ZNF527: variants seen among roughly 807,000 people sequenced by gnomAD.
ZNF527 encodes the protein zinc finger protein 527.
A neutral mutation model predicts 13.5 loss-of-function variants in ZNF527; 5 were observed. That is an observed-to-expected ratio of 0.37 (90% CI 0.19 to 0.78). ZNF527 has a LOEUF of 0.78. Ranked by LOEUF, ZNF527 falls within the 30% of genes least tolerant of loss-of-function variation. The pLI, the probability that ZNF527 is intolerant of heterozygous loss-of-function variation, is 0.48. For missense variants in ZNF527, 628 were observed against 726.4 expected, an observed-to-expected ratio of 0.86 and a Z score of 1.56; for synonymous variants, 209 against 243.1, an observed-to-expected ratio of 0.86 and a Z score of 1.30.
intron 2 of ZNF527, among the ~76,000 whole-genome samples, chr19:37,377,723 C>G (rs1360149060): frequency 6.6e-6 from 1 of 152,134 alleles, no homozygotes; most frequent in Non-Finnish European, 1.5e-5. Context: ...GGGCCCCTGA[C>G]AGGTGCTCTG....
chr19:37,375,306 C>CTTTGT lies in ZNF527; in HGVS notation c.33+1078_33+1079insGTTTT, dbSNP rs1236983829. On this transcript the variant is annotated intron_variant, in intron 2 of 4. Coordinates refer to ENST00000436120, the MANE Select transcript of ZNF527 (RefSeq NM_032453.2). The stretch of plus-strand genomic sequence containing the variant: ...TCTTTCTTTCTTTCTTTCTTTCTTT[C>CTTTGT]TTTCTTTTCTTTCTTTCTTTCTTTC... Among the ~76,000 whole-genome samples, 282 of 100,736 alleles carry CTTTGT rather than the reference C, an allele frequency of 2.8e-3. 1 individual carries two copies. The highest frequency in any genetic ancestry group is 0.012 in the African/African-American group (273 of 22,860). 66.1% of individuals were successfully genotyped at this position (100,736 alleles called of 152,430 possible). A position where few individuals can be genotyped will look rare whatever the true frequency, so the allele number is the denominator to read the frequency against.
intron 2 of ZNF527, among the ~76,000 whole-genome samples, chr19:37,375,549 A>G (rs2040601206): frequency 6.6e-6 from 1 of 151,228 alleles, no homozygotes; most frequent in African/African-American, 2.4e-5. Flanking sequence ...TTTAGTAGAG[A>G]TGGATTTCAC....
intron 2 of ZNF527, among the ~76,000 whole-genome samples, chr19:37,378,152 C>T (rs753604791): frequency 2.0e-5 from 3 of 151,956 alleles, no homozygotes; most frequent in Non-Finnish European, 2.9e-5. Context: ...CTCAGCCTCC[C>T]GAGTAGTTGG....
rs1004595951 is a variant in ZNF527, at chr19:37,392,403, T to A, written c.*2524T>A. The A allele has an allele frequency of 6.6e-6, 1 of 152,144 alleles. No individual in the cohort carries two copies. Among genetic ancestry groups the A allele is most frequent in the Non-Finnish European group, 1.5e-5 (1 of 68,022 alleles). The allele number at this position is 152,144 out of a possible 1,614,324, so 9.4% of individuals were successfully genotyped here. A position where few individuals can be genotyped will look rare whatever the true frequency, so the allele number is the denominator to read the frequency against. On this transcript the variant is annotated 3_prime_UTR_variant, in exon 5 of 5. Transcript: ENST00000436120. ...TGATTTTTATTTTATTTATTTATTT[T>A]TTTTGAGACAGGGTCTCACTCTGTT...
At chr19:37,375,288 TTCTTTC>T (rs1555826930) in intron 2 of ZNF527, among the ~76,000 whole-genome samples, 2 of 131,002 alleles carry the variant, frequency 1.5e-5, no homozygotes, top group South Asian at 5.0e-4. Flanking sequence ...CTTTCTTTCT[TTCTTTC>T]TTTCTTTCTT....
At chr19:37,381,980 A>G (rs1454212486) in intron 4 of ZNF527, among the ~76,000 whole-genome samples, 3 of 152,194 alleles carry the variant, frequency 2.0e-5, no homozygotes, top group Non-Finnish European at 4.4e-5. Flanking sequence ...AGTAAATCCA[A>G]TGAATCATTA....
intron 4 of ZNF527, chr19:37,385,191 C>G: frequency 2.1e-6 from 1 of 465,972 alleles, no homozygotes; most frequent in East Asian, 3.2e-5. Context: ...ATTCATTTTT[C>G]TATGATATAT....
At chr19:37,374,008 G>A in intron 1 of ZNF527, 150 bp from the exon 2 acceptor site, 1 of 511,478 alleles carries the variant, frequency 2.0e-6, no homozygotes, top group South Asian at 1.8e-5. Flanking sequence ...GTTCAGCATT[G>A]GATTCCACCC....
rs1385624273 is a variant in ZNF527, at chr19:37,375,309, T to TC, written c.33+1079dup. 3.1e-4 allele frequency among the ~76,000 whole-genome samples: 35 copies of TC among 111,374 alleles called. 1 individual carries two copies. Among genetic ancestry groups the TC allele is most frequent in the Middle Eastern group, 4.1e-3 (1 of 246 alleles). 73.1% of individuals were successfully genotyped at this position (111,374 alleles called of 152,430 possible). A position where few individuals can be genotyped will look rare whatever the true frequency, so the allele number is the denominator to read the frequency against. ...TTCTTTCTTTCTTTCTTTCTTTCTT[T>TC]CTTTTCTTTCTTTCTTTCTTTCTTT... On this transcript the variant is annotated intron_variant, in intron 2 of 4. Coordinates refer to ENST00000436120, the MANE Select transcript of ZNF527 (RefSeq NM_032453.2).
Position 37,389,653 on chromosome 19 carries a change from T to A in ZNF527, c.1604T>A (p.Phe535Tyr). ...PYECNKCGKA[F>Y]SCGSYLNQHQ... The stretch of plus-strand genomic sequence containing the variant: ...GAATGTAACAAATGTGGAAAGGCCT[T>A]CAGTTGTGGCTCATATCTTAATCAA... The change falls in exon 5 of 5, where the codon TTC becomes TAC. Residue 535 changes from phenylalanine to tyrosine, a missense_variant. Phe to Tyr is a conservative substitution (Grantham distance 22, BLOSUM62 3). This residue lies in a region of ZNF527 where 592 missense variants were observed against 678.0 expected (regional missense o/e 0.87). Transcript: ENST00000436120. 1 of 1,614,072 alleles carries A rather than the reference T, an allele frequency of 6.2e-7. No homozygotes were observed. Among genetic ancestry groups the A allele is most frequent in the South Asian group, 1.1e-5 (1 of 91,084 alleles).
intron 4 of ZNF527, among the ~76,000 whole-genome samples, chr19:37,386,607 G>A (rs2040701921): frequency 6.6e-6 from 1 of 152,102 alleles, no homozygotes; most frequent in African/African-American, 2.4e-5. Flanking sequence ...ATACTTAGTG[G>A]CTACCGTATT....
chr19:37,380,294 C>A lies in ZNF527; in HGVS notation c.178C>A (p.Pro60Thr). ...GTGAACAGGACTCTCCATTTCTAAG[C>A]CCAACATGATCTCCTTACTGGAGCA... ...LVWLGLSISKPNMISLLEQGK... is the reference protein window; with the variant it reads ...LVWLGLSISKTNMISLLEQGK... The change falls in exon 4 of 5, where the codon CCC becomes ACC. Residue 60 changes from proline to threonine, a missense_variant. This residue lies in a region of ZNF527 where 592 missense variants were observed against 678.0 expected (regional missense o/e 0.87). Coordinates refer to ENST00000436120, the MANE Select transcript of ZNF527 (RefSeq NM_032453.2). 6.2e-7 allele frequency: 1 copy of A among 1,613,982 alleles called. No individual in the cohort carries two copies. The highest frequency in any genetic ancestry group is 8.5e-7 in the Non-Finnish European group (1 of 1,179,930).
intron 2 of ZNF527, among the ~76,000 whole-genome samples, chr19:37,374,723 A>G (rs1362688155): frequency 6.6e-6 from 1 of 152,224 alleles, no homozygotes; most frequent in Non-Finnish European, 1.5e-5. Context: ...GTGATGTCAG[A>G]GGTATAGCTG....
intron 2 of ZNF527, among the ~76,000 whole-genome samples, chr19:37,375,002 G>C (rs1166610310): frequency 2.0e-5 from 3 of 152,164 alleles, no homozygotes; most frequent in African/African-American, 7.2e-5. Flanking sequence ...AATGCGATTT[G>C]ATCAAGGATT....
In ZNF527 at chr19:37,390,220, G is replaced by T; in HGVS notation, c.*341G>T. The T allele has an allele frequency of 5.3e-6, 1 of 189,224 alleles. No homozygotes were observed. Among genetic ancestry groups the T allele is most frequent in the Admixed American group, 5.4e-5 (1 of 18,542 alleles). The allele number at this position is 189,224 out of a possible 1,614,324, so 11.7% of individuals were successfully genotyped here. ...ATTTTTGTATTTTTAGTAGAGACGG[G>T]GTTTCACCACATTGGTCAGGCTGAT... On this transcript the variant is annotated 3_prime_UTR_variant, in exon 5 of 5. Coordinates refer to ENST00000436120, the MANE Select transcript of ZNF527 (RefSeq NM_032453.2).
chr19:37,383,922 T>C lies in ZNF527; in HGVS notation c.256+3550T>C, dbSNP rs191731902. On this transcript the variant is annotated intron_variant, in intron 4 of 4. Transcript: ENST00000436120. The stretch of plus-strand genomic sequence containing the variant: ...TTTACTATATAAACCAATCTGATTT[T>C]CTTTTCATTTTAATAAGTGAAAGTC... Among the ~76,000 whole-genome samples, 3 of 152,348 alleles carry C rather than the reference T, an allele frequency of 2.0e-5. No homozygotes were observed. The East Asian group carries it at 5.8e-4, about 29-fold the overall frequency.
At chr19:37,386,798 T>C (rs1403197841) in intron 4 of ZNF527, among the ~76,000 whole-genome samples, 2 of 152,218 alleles carry the variant, frequency 1.3e-5, no homozygotes, top group Admixed American at 6.5e-5. Context: ...AATCTGCTAT[T>C]TGCCTGGAGT....
intron 4 of ZNF527, among the ~76,000 whole-genome samples, chr19:37,387,721 C>T (rs1336434937): frequency 6.6e-6 from 1 of 152,104 alleles, no homozygotes; most frequent in Non-Finnish European, 1.5e-5. Flanking sequence ...CTTTTAGTCA[C>T]TGAGAAAAAA....
At chr19:37,381,201 T>TTTTG (rs770348802) in intron 4 of ZNF527, among the ~76,000 whole-genome samples, 16 of 152,276 alleles carry the variant, frequency 1.1e-4, no homozygotes, top group African/African-American at 2.6e-4. Flanking sequence ...GACTTGGGAA[T>TTTTG]TTTGTTTGTT....
Sources: gnomAD v4.1 joint callset for allele counts (sites outside exome capture counted in the v4.1 genomes callset) on GRCh38, gnomAD v4.1.1 for gene constraint, gnomAD v4.1.1 regional missense constraint, MANE v1.5 for transcripts, NCBI Gene and HGNC (gene_info 2026-07-23, HGNC 2026-07-21) for gene names.